Variants in PPP1R3B observed in about 807,000 individuals in gnomAD.
PPP1R3B encodes the protein protein phosphatase 1 regulatory subunit 3B, also known as PP1 subunit R4.
In PPP1R3B, 8 loss-of-function variants were observed where a neutral mutation model predicts 14.6. The ratio of observed to expected loss-of-function variants is 0.55; its 90% CI spans 0.32 to 0.99. PPP1R3B has a LOEUF of 0.99. Ranked by LOEUF, PPP1R3B falls within the 50% of genes least tolerant of loss-of-function variation. PPP1R3B has a pLI of 0.04. For missense variants in PPP1R3B, 452 were observed against 360.1 expected, an observed-to-expected ratio of 1.26 and a Z score of -2.07; for synonymous variants, 169 against 142.0, an observed-to-expected ratio of 1.19 and a Z score of -1.35.
At position 9,140,554 on chromosome 8, in the gene PPP1R3B, C is replaced by G. The variant is rs769676310; in HGVS notation, c.*240G>C. On this transcript the variant is annotated 3_prime_UTR_variant, in exon 2 of 2. Coordinates refer to ENST00000310455, the MANE Select transcript of PPP1R3B (RefSeq NM_024607.4). ...CACAGACGTGCACAGACTCTCGTGG[C>G]TGCCACAGTGCGAAAGCGCGCCAGC... 1 of 568,702 alleles carries G rather than the reference C, an allele frequency of 1.8e-6. No homozygotes were observed. The highest frequency in any genetic ancestry group is 1.9e-5 in the African/African-American group (1 of 53,318). 35.2% of individuals were successfully genotyped at this position (568,702 alleles called of 1,614,324 possible). A position where few individuals can be genotyped will look rare whatever the true frequency, so the allele number is the denominator to read the frequency against.
In PPP1R3B at chr8:9,140,830, A is replaced by G. The variant is rs771304219; in HGVS notation, c.822T>C (p.Ser274=). The change falls in exon 2 of 2, where the codon AGT becomes AGC. Residue 274 remains serine (S), a synonymous_variant. Transcript: ENST00000310455. ...CSYGLFPEWP[S]YLGYEKLGPY... ...GCCCTAGCTTTTCATATCCTAAGTA[A>G]CTTGGCCACTCTGGAAACAGACCAT... is the stretch of plus-strand genomic sequence containing the variant. 1.2e-6 allele frequency: 2 copies of G among 1,614,000 alleles called. No individual in the cohort carries two copies.
At position 9,140,808 on chromosome 8, in the gene PPP1R3B, C is replaced by T. The variant is rs755989940; in HGVS notation, c.844G>A (p.Gly282Arg). The change falls in exon 2 of 2, where the codon GGG (glycine) becomes AGG (arginine). Residue 282 changes from glycine to arginine, a missense_variant. Coordinates refer to ENST00000310455, the MANE Select transcript of PPP1R3B (RefSeq NM_024607.4). ...WPSYLGYEKL[G>R]PYY ...ACCTGCAGTCACTAGTAGTAGGGCCCTAGCTTTTCATATCCTAAGTAACTT... is the reference window on the plus strand; with the variant it reads ...ACCTGCAGTCACTAGTAGTAGGGCCTTAGCTTTTCATATCCTAAGTAACTT... 6.2e-6 allele frequency: 10 copies of T among 1,614,052 alleles called. No individual in the cohort carries two copies. The South Asian group carries it at 6.6e-5, about 11-fold the overall frequency.
At chr8:9,143,088 T>C (rs1206521616) in intron 1 of PPP1R3B, among the ~76,000 whole-genome samples, 1 of 152,194 alleles carries the variant, frequency 6.6e-6, no homozygotes, top group Admixed American at 6.5e-5. Context: ...CTCCCTACTA[T>C]TTTCCATAAT....
chr8:9,147,945 T>C (rs568143136), intron 1 of PPP1R3B, among the ~76,000 whole-genome samples: 1 of 152,280 alleles, frequency 6.6e-6, no homozygotes, highest in East Asian at 1.9e-4. Flanking sequence ...CTTCACTTTG[T>C]GTGTCACCAT....
chr8:9,144,798 T>G (rs1801187163), intron 1 of PPP1R3B, among the ~76,000 whole-genome samples: 1 of 152,176 alleles, frequency 6.6e-6, no homozygotes. Flanking sequence ...CAGGCTGGAG[T>G]GCAATGGCAC....
In PPP1R3B at chr8:9,140,954, A is replaced by T; in HGVS notation, c.698T>A (p.Ile233Asn). The T allele has an allele frequency of 1.2e-6, 2 of 1,614,142 alleles. No individual in the cohort carries two copies. Among genetic ancestry groups the T allele is most frequent in the Non-Finnish European group, 1.7e-6 (2 of 1,179,992 alleles). ...CTGGGTAGATTTTAACTCAGCCCGG[A>T]TGATCCTATAGTTCTTGCCTCTGTT... ...DSNRGKNYRI[I>N]RAELKSTQGM... is the part of the protein sequence containing the mutation. Residue 233 changes from isoleucine (I) to asparagine (N), a missense_variant, in exon 2 of 2, where the codon ATC becomes AAC. By Grantham distance (149) the Ile-to-Asn change is moderately radical. Coordinates refer to ENST00000310455, the MANE Select transcript of PPP1R3B (RefSeq NM_024607.4).
At chr8:9,151,117 G>T (rs1200071159), upstream of PPP1R3B, among the ~76,000 whole-genome samples, 1 of 152,192 alleles carries the variant, frequency 6.6e-6, no homozygotes, top group Non-Finnish European at 1.5e-5. Flanking sequence ...GCGCGGTGGA[G>T]CACGTGGGCC....
intron 1 of PPP1R3B, among the ~76,000 whole-genome samples, chr8:9,143,831 G>A (rs907251219): frequency 6.6e-6 from 1 of 152,146 alleles, no homozygotes; most frequent in Non-Finnish European, 1.5e-5. Context: ...GAATCATGCT[G>A]AAAGAGGATA....
rs1399494125 is a variant in PPP1R3B, at chr8:9,137,929, A to G, written c.*2865T>C. ...TGGGGAGGGTTTACGGCTGCTTTAGAAGAGATAGTTATCACTGAATTACCA... is the reference window on the plus strand; with the variant it reads ...TGGGGAGGGTTTACGGCTGCTTTAGGAGAGATAGTTATCACTGAATTACCA... On this transcript the variant is annotated 3_prime_UTR_variant, in exon 2 of 2. Coordinates refer to ENST00000310455, the MANE Select transcript of PPP1R3B (RefSeq NM_024607.4). 6.6e-6 allele frequency: 1 copy of G among 152,140 alleles called. No homozygotes were observed. The allele number at this position is 152,140 out of a possible 1,614,324, so 9.4% of individuals were successfully genotyped here. A position where few individuals can be genotyped will look rare whatever the true frequency, so the allele number is the denominator to read the frequency against.
upstream of PPP1R3B, chr8:9,151,503 G>A (rs528736923): frequency 5.5e-6 from 1 of 181,366 alleles, no homozygotes; most frequent in South Asian, 8.5e-5. Context: ...CGAGAGCTGC[G>A]CGGTCACCTC....
chr8:9,146,658 T>C (rs1330472160), intron 1 of PPP1R3B, among the ~76,000 whole-genome samples: 1 of 152,168 alleles, frequency 6.6e-6, no homozygotes, highest in Non-Finnish European at 1.5e-5. Flanking sequence ...AGAATGCAGG[T>C]GCTTAAACAT....
rs1376627046 is a variant in PPP1R3B at position 9,138,023 on chromosome 8, C to T, written c.*2771G>A. The T allele has an allele frequency of 6.6e-6, 1 of 152,196 alleles. No homozygotes were observed. Among genetic ancestry groups the T allele is most frequent in the African/African-American group, 2.4e-5 (1 of 41,434 alleles). The allele number at this position is 152,196 out of a possible 1,614,324, so 9.4% of individuals were successfully genotyped here. A position where few individuals can be genotyped will look rare whatever the true frequency, so the allele number is the denominator to read the frequency against. ...ATAAAATTAAACTGACTTTATTAAA[C>T]AGAGTCACTTCAGGCCTTTTTCTTA... On this transcript the variant is annotated 3_prime_UTR_variant, in exon 2 of 2. Coordinates refer to ENST00000310455, the MANE Select transcript of PPP1R3B (RefSeq NM_024607.4).
At chr8:9,146,338 G>C (rs925582069) in intron 1 of PPP1R3B, among the ~76,000 whole-genome samples, 2 of 152,112 alleles carry the variant, frequency 1.3e-5, no homozygotes, top group African/African-American at 2.4e-5. Context: ...GTGTAGGTGT[G>C]TGATGACGTG....
At position 9,141,127 on chromosome 8, in the gene PPP1R3B, A is replaced by G. The variant is rs765107779; in HGVS notation, c.525T>C (p.Phe175=). Residue 175 remains phenylalanine (F), a synonymous_variant, in exon 2 of 2, where the codon TTT becomes TTC. Transcript: ENST00000310455. The part of the protein sequence containing the change: ...TFDTWKSYTD[F]PCQYVKDTYA... ...AAGTGTCCTTCACGTACTGACAAGG[A>G]AAGTCTGTGTAGCTCTTCCAGGTGT... 5 of 1,614,064 alleles carry G rather than the reference A, an allele frequency of 3.1e-6. No homozygotes were observed. Among genetic ancestry groups the G allele is most frequent in the African/African-American group, 2.7e-5 (2 of 74,924 alleles).
intron 1 of PPP1R3B, among the ~76,000 whole-genome samples, chr8:9,148,565 G>A (rs1199818709): frequency 6.6e-6 from 1 of 152,190 alleles, no homozygotes; most frequent in Non-Finnish European, 1.5e-5. Context: ...AGTTTCTCTG[G>A]TGAGAGACTG....
chr8:9,136,335 T>G lies in PPP1R3B; in HGVS notation c.*4459A>C, dbSNP rs1800888268. On this transcript the variant is annotated 3_prime_UTR_variant, in exon 2 of 2. Coordinates refer to ENST00000310455, the MANE Select transcript of PPP1R3B (RefSeq NM_024607.4). The stretch of plus-strand genomic sequence containing the variant: ...CATACCACACAAAGAACATCCATTC[T>G]TGGGATTTTTAAAGTGCATTTCCCC... The G allele has an allele frequency of 6.6e-6, 1 of 152,246 alleles. No homozygotes were observed. The highest frequency in any genetic ancestry group is 2.4e-5 in the African/African-American group (1 of 41,470). The allele number at this position is 152,246 out of a possible 1,614,324, so 9.4% of individuals were successfully genotyped here. A position where few individuals can be genotyped will look rare whatever the true frequency, so the allele number is the denominator to read the frequency against.
Position 9,140,624 on chromosome 8 carries a change from C to A in PPP1R3B, c.*170G>T. 7.0e-6 allele frequency: 5 copies of A among 711,018 alleles called. No individual in the cohort carries two copies. The highest frequency in any genetic ancestry group is 1.1e-5 in the Non-Finnish European group (5 of 438,890). The allele number at this position is 711,018 out of a possible 1,614,324, so 44.0% of individuals were successfully genotyped here. A position where few individuals can be genotyped will look rare whatever the true frequency, so the allele number is the denominator to read the frequency against. ...GAGACACTGGTTGTGTAATCTGAAC[C>A]TGGCTGGATTTGCTGTTTAAGAAAG... On this transcript the variant is annotated 3_prime_UTR_variant, in exon 2 of 2. Coordinates refer to ENST00000310455, the MANE Select transcript of PPP1R3B (RefSeq NM_024607.4).
chr8:9,140,799 A>T lies in PPP1R3B; in HGVS notation c.853T>A (p.Tyr285Asn). ...CGCCCTGTCACCTGCAGTCACTAGTAGTAGGGCCCTAGCTTTTCATATCCT... is the reference window on the plus strand; with the variant it reads ...CGCCCTGTCACCTGCAGTCACTAGTTGTAGGGCCCTAGCTTTTCATATCCT... ...YLGYEKLGPY[Y>N] Residue 285 changes from tyrosine to asparagine, a missense_variant, in exon 2 of 2, where the codon TAC becomes AAC. Tyr to Asn is a moderately radical substitution (Grantham distance 143). Coordinates refer to ENST00000310455, the MANE Select transcript of PPP1R3B (RefSeq NM_024607.4). The T allele has an allele frequency of 6.2e-7, 1 of 1,613,810 alleles. No homozygotes were observed. Among genetic ancestry groups the T allele is most frequent in the East Asian group, 2.2e-5 (1 of 44,862 alleles).
intron 1 of PPP1R3B, among the ~76,000 whole-genome samples, chr8:9,150,211 C>A (rs1487035977): frequency 6.6e-6 from 1 of 152,162 alleles, no homozygotes; most frequent in East Asian, 1.9e-4. Context: ...CACCCTGGGT[C>A]TCCCAGGCAG....
Sources: gnomAD v4.1 joint callset for allele counts (sites outside exome capture counted in the v4.1 genomes callset) on GRCh38, gnomAD v4.1.1 for gene constraint, MANE v1.5 for transcripts, NCBI Gene and HGNC (gene_info 2026-07-23, HGNC 2026-07-21) for gene names.